The following TRANK1 variants were observed in gnomAD, a reference collection of about 807,000 sequenced individuals.
TRANK1 encodes the protein TPR and ankyrin repeat-containing protein 1.
In TRANK1, 198 loss-of-function variants were observed where a neutral mutation model predicts 266.0. The observed-to-expected ratio is 0.74, with a 90% CI of 0.66 to 0.84. TRANK1 has a LOEUF of 0.84. TRANK1 is among the 40% of genes least tolerant of loss of function. The pLI is 0.00. For missense variants in TRANK1, 3,326 were observed against 3,634.6 expected, an observed-to-expected ratio of 0.92 and a Z score of 2.18; for synonymous variants, 1,396 against 1,384.1, an observed-to-expected ratio of 1.01 and a Z score of -0.19.
At chr3:36,851,480 C>T in intron 15 of TRANK1, 1 of 1,244,458 alleles carries the variant, frequency 8.0e-7, no homozygotes. Flanking sequence ...TACTAGAGAG[C>T]CAAAGAAGGG....
intron 1 of TRANK1, among the ~76,000 whole-genome samples, chr3:36,944,298 G>A (rs2080539584): frequency 6.6e-6 from 1 of 152,160 alleles, no homozygotes. Flanking sequence ...TCCTACTGCC[G>A]GGAAGAGGCC....
intron 8 of TRANK1, among the ~76,000 whole-genome samples, chr3:36,881,561 C>T (rs1052519926): frequency 6.6e-6 from 1 of 151,380 alleles, no homozygotes; most frequent in Non-Finnish European, 1.5e-5. Flanking sequence ...TACAGTAAGC[C>T]GAGATCACAT....
chr3:36,863,292 A>G (rs12637747), intron 10 of TRANK1, among the ~76,000 whole-genome samples: 46,569 of 152,088 alleles, frequency 0.31, 7,756 homozygotes, highest in East Asian at 0.57. Flanking sequence ...CTTTTATGAG[A>G]TTTTTACCAA....
chr3:36,906,209 T>C (rs974482397), intron 2 of TRANK1, among the ~76,000 whole-genome samples: 5 of 152,168 alleles, frequency 3.3e-5, no homozygotes. Flanking sequence ...TACACTCAAC[T>C]CAACCTCAAC....
chr3:36,879,901 TGTAAACATGC>T (rs2079484747), intron 8 of TRANK1, among the ~76,000 whole-genome samples: 1 of 77,788 alleles, frequency 1.3e-5, no homozygotes, highest in Non-Finnish European at 2.2e-5. Flanking sequence ...TGCAAATATA[TGTAAACATGC>T]AAATATATGT....
intron 20 of TRANK1, 94 bp from the exon 21 acceptor site, chr3:36,835,001 A>G (rs1404354530): frequency 1.6e-6 from 2 of 1,256,248 alleles, no homozygotes; most frequent in Admixed American, 2.9e-5. Flanking sequence ...GGATAGTCAT[A>G]TGTCTGCTTT....
chr3:36,915,392 A>C (rs1402389707), intron 1 of TRANK1, among the ~76,000 whole-genome samples: 1 of 152,190 alleles, frequency 6.6e-6, no homozygotes, highest in African/African-American at 2.4e-5. Context: ...TTGTGTTGGG[A>C]ATGTTCAATA....
intron 1 of TRANK1, among the ~76,000 whole-genome samples, chr3:36,923,487 C>A (rs2080245428): frequency 6.6e-6 from 1 of 152,084 alleles, no homozygotes; most frequent in South Asian, 2.1e-4. Context: ...ATCTCCTGAC[C>A]TCAGGTGATC....
chr3:36,854,151 A>G (rs1169220693), intron 13 of TRANK1, among the ~76,000 whole-genome samples: 1 of 152,166 alleles, frequency 6.6e-6, no homozygotes, highest in Non-Finnish European at 1.5e-5. Flanking sequence ...ACCTCAGGTC[A>G]GGAGTTCAAG....
chr3:36,903,078 T>C, intron 3 of TRANK1, 71 bp downstream of exon 3: 1 of 1,488,274 alleles, frequency 6.7e-7, no homozygotes, highest in South Asian at 1.3e-5. Context: ...TCTCTCATCC[T>C]TTCATACCTT....
intron 1 of TRANK1, among the ~76,000 whole-genome samples, chr3:36,923,984 C>T (rs1426893813): frequency 6.6e-6 from 1 of 152,228 alleles, no homozygotes; most frequent in African/African-American, 2.4e-5. Flanking sequence ...GAAGCTCATC[C>T]AGAGTGAATT....
chr3:36,943,622 A>G (rs1043418361), intron 1 of TRANK1, among the ~76,000 whole-genome samples: 1 of 150,410 alleles, frequency 6.6e-6, no homozygotes, highest in African/African-American at 2.4e-5. Flanking sequence ...TCCAACACAC[A>G]CACACCGTAG....
At chr3:36,840,601 C>A (rs1336401084) in intron 18 of TRANK1, among the ~76,000 whole-genome samples, 1 of 152,230 alleles carries the variant, frequency 6.6e-6, no homozygotes, top group Admixed American at 6.5e-5. Flanking sequence ...CGGCACTGGG[C>A]CAGTTCCAAG....
chr3:36,923,378 C>G (rs1575322010), intron 1 of TRANK1, among the ~76,000 whole-genome samples: 2 of 152,048 alleles, frequency 1.3e-5, no homozygotes, highest in Admixed American at 1.3e-4. Context: ...GCCTCAGCCT[C>G]CCGAGTGGCT....
At chr3:36,903,013 G>A in intron 3 of TRANK1, 136 bp downstream of exon 3, 2 of 1,150,520 alleles carry the variant, frequency 1.7e-6, no homozygotes, top group Non-Finnish European at 2.4e-6. Context: ...GAAAGAGGCA[G>A]GCTAAAAGGA....
At chr3:36,828,411 A>AGGAC in intron 23 of TRANK1, 36 bp from the exon 24 acceptor site, 1 of 901,168 alleles carries the variant, frequency 1.1e-6, no homozygotes, top group Non-Finnish European at 1.7e-6. Flanking sequence ...GAAGGAAGGA[A>AGGAC]AGAAGGGAGG....
intron 1 of TRANK1, among the ~76,000 whole-genome samples, chr3:36,943,301 T>G (rs2080522858): frequency 6.6e-6 from 1 of 152,184 alleles, no homozygotes; most frequent in African/African-American, 2.4e-5. Context: ...TGTATGTGTG[T>G]GTGCGTATAT....
At chr3:36,852,014 C>T (rs2078991119) in intron 14 of TRANK1, 132 bp downstream of exon 14, 5 of 1,361,776 alleles carry the variant, frequency 3.7e-6, no homozygotes, top group Non-Finnish European at 9.8e-7. Context: ...GTCACTCAGC[C>T]ATCTCTGGAA....
intron 8 of TRANK1, 82 bp from the exon 9 acceptor site, chr3:36,874,378 TC>T: frequency 6.9e-7 from 1 of 1,449,982 alleles, no homozygotes; most frequent in Non-Finnish European, 9.2e-7. Context: ...CTTCTCAGTC[TC>T]CTCCCAAGCA....
Sources: allele counts gnomAD v4.1 joint callset (sites outside exome capture counted in the v4.1 genomes callset), GRCh38; gene constraint gnomAD v4.1.1; transcripts MANE v1.5; gene names NCBI Gene and HGNC (gene_info 2026-07-23, HGNC 2026-07-21).